MSH5: variants seen among roughly 807,000 people sequenced by gnomAD.
The protein encoded by MSH5 is mutS protein homolog 5.
A neutral mutation model predicts 107.7 loss-of-function variants in MSH5; 78 were observed. That is an observed-to-expected ratio of 0.72 (90% CI 0.60 to 0.87). The LOEUF is 0.87. Among genes scored for constraint, MSH5 ranks in the 40% least tolerant of loss-of-function variants. The probability of loss-of-function intolerance (pLI) is 0.00; values close to 1 mark genes in which losing one functional copy is unlikely to be tolerated. For missense variants in MSH5, 889 were observed against 1,046.6 expected (o/e 0.85, Z 2.08); for synonymous variants, 326 against 399.5 (o/e 0.82, Z 2.19).
chr6:31,744,023 A>T lies in MSH5; in HGVS notation c.535A>T (p.Thr179Ser). 6.2e-7 allele frequency: 1 copy of T among 1,614,082 alleles called. No individual in the cohort carries two copies. The change falls in exon 6 of 25, where the codon ACA (threonine) becomes TCA (serine). Residue 179 changes from threonine to serine, a missense_variant and splice_region_variant. Physicochemically the swap from Thr to Ser is moderately conservative, Grantham distance 58. This residue lies in a region of MSH5 where 518 missense variants were observed against 565.0 expected (regional missense o/e 0.92). Coordinates refer to ENST00000375750, the MANE Select transcript of MSH5 (RefSeq NM_172166.4). ...CATTATTCCCTTTGACTGCCTCCTC[A>T]CAGTGAGATTGGTCCTGGGGGATAA... ...SSIIPFDCLLTVRALGGLLKF... is the reference protein window; with the variant it reads ...SSIIPFDCLLSVRALGGLLKF...
In MSH5 at chr6:31,744,220, C is replaced by T. The variant is rs1183776323; in HGVS notation, c.568C>T (p.Leu190=). ...AGCACTTGGAGGGCTGCTGAAGTTC[C>T]TGGGTCGAAGAAGAATCGGGGTTGA... The part of the protein sequence containing the change: ...VRALGGLLKF[L]GRRRIGVELE... The change falls in exon 7 of 25, where the codon CTG becomes TTG. Residue 190 remains leucine (L), a synonymous_variant. Coordinates refer to ENST00000375750, the MANE Select transcript of MSH5 (RefSeq NM_172166.4). The T allele has an allele frequency of 6.2e-7, 1 of 1,613,710 alleles. No individual in the cohort carries two copies.
chr6:31,758,360 G>T lies in MSH5; in HGVS notation c.1143+67G>T. On this transcript the variant is annotated intron_variant, in intron 13 of 24. Coordinates refer to ENST00000375750, the MANE Select transcript of MSH5 (RefSeq NM_172166.4). This position sits in a 1 kb window ranked among gnomAD's most constrained non-coding sequence, Gnocchi z 5.1. ...GAGAGAGAATGCAGTGTGCAAGATG[G>T]GGAAACATGGAAGATATTGAGGTCA... 6.3e-7 allele frequency: 1 copy of T among 1,596,354 alleles called. No individual in the cohort carries two copies. The highest frequency in any genetic ancestry group is 8.6e-7 in the Non-Finnish European group (1 of 1,169,030).
At position 31,740,007 on chromosome 6, in the gene MSH5, T is replaced by C. The variant is rs1808675495; in HGVS notation, c.-69T>C. The stretch of plus-strand genomic sequence containing the variant: ...CTCGCTCACGCGCCGGCGCGCTCCT[T>C]TTGCAGGCTCGTGGCGGTCGGTCAG... On this transcript the variant is annotated 5_prime_UTR_variant, in exon 1 of 25. Transcript: ENST00000375750. The surrounding 1 kb of genome is among the most constrained non-coding windows in gnomAD (Gnocchi z 4.4). 1.3e-5 allele frequency: 2 copies of C among 151,616 alleles called. No homozygotes were observed. Among genetic ancestry groups the C allele is most frequent in the Admixed American group, 1.3e-4 (2 of 15,148 alleles). 9.4% of individuals were successfully genotyped at this position (151,616 alleles called of 1,614,324 possible).
chr6:31,744,209 T>C lies in MSH5; in HGVS notation c.557T>C (p.Leu186Pro). Residue 186 changes from leucine to proline, a missense_variant, in exon 7 of 25, where the codon CTG becomes CCG. Physicochemically the swap from Leu to Pro is moderately conservative, Grantham distance 98. Transcript: ENST00000375750. ...TCCCAGGTTCGAGCACTTGGAGGGCTGCTGAAGTTCCTGGGTCGAAGAAGA... is the reference window on the plus strand; with the variant it reads ...TCCCAGGTTCGAGCACTTGGAGGGCCGCTGAAGTTCCTGGGTCGAAGAAGA... ...CLLTVRALGG[L>P]LKFLGRRRIG... 6.2e-7 allele frequency: 1 copy of C among 1,613,436 alleles called. No homozygotes were observed. Among genetic ancestry groups the C allele is most frequent in the Non-Finnish European group, 8.5e-7 (1 of 1,179,632 alleles).
In MSH5 at chr6:31,760,256, T is replaced by C. The variant is rs28399979; in HGVS notation, c.1812+40T>C. The C allele has an allele frequency of 3.9e-6, 6 of 1,536,830 alleles. No homozygotes were observed. In the East Asian group the frequency reaches 6.8e-5, roughly 17 times the overall value. On this transcript the variant is annotated intron_variant, in intron 19 of 24. Transcript: ENST00000375750. The surrounding 1 kb of genome is among the most constrained non-coding windows in gnomAD (Gnocchi z 5.6). The stretch of plus-strand genomic sequence containing the variant: ...TGCAGCCTGGGCCTCTGGCGTCTCC[T>C]GCATCTACTCCACCCCTACTTGCCA...
intron 10 of MSH5, among the ~76,000 whole-genome samples, chr6:31,750,735 T>C (rs935092941): frequency 6.6e-6 from 1 of 152,216 alleles, no homozygotes; most frequent in East Asian, 1.9e-4. Context: ...GCCATCTGGA[T>C]GCTCCGCTTC....
intron 10 of MSH5, among the ~76,000 whole-genome samples, chr6:31,752,167 G>A (rs1356243369): frequency 4.0e-5 from 6 of 151,728 alleles, no homozygotes; most frequent in Non-Finnish European, 8.8e-5. Context: ...CATGCCGGGC[G>A]CGGTGGCTCA....
intron 12 of MSH5, chr6:31,757,514 A>G (rs1810557832): frequency 6.6e-6 from 1 of 152,110 alleles, no homozygotes; most frequent in Non-Finnish European, 1.5e-5. Context: ...TTTTATAGCT[A>G]TATTTCTCTT....
In MSH5 at chr6:31,744,063, C is replaced by T. The variant is rs577983731; in HGVS notation, c.537+38C>T. ...CTGGGGGATAAGGGCTGGGAGGCGG[C>T]ACAAGTGCTAGGGCTGAATTCTGGG... is the stretch of plus-strand genomic sequence containing the variant. On this transcript the variant is annotated intron_variant, in intron 6 of 24. Transcript: ENST00000375750. The T allele has an allele frequency of 1.1e-4, 176 of 1,612,466 alleles. 2 individuals are homozygous for T. The South Asian group carries it at 1.8e-3, about 17-fold the overall frequency.
intron 9 of MSH5, 77 bp downstream of exon 9, chr6:31,745,396 C>G: frequency 2.0e-6 from 2 of 987,298 alleles, no homozygotes; most frequent in South Asian, 2.7e-5. Flanking sequence ...TGTGTCCCAG[C>G]CTCCCTTCCC....
chr6:31,752,528 TG>T (rs1196373739), intron 10 of MSH5, among the ~76,000 whole-genome samples: 2 of 152,162 alleles, frequency 1.3e-5, no homozygotes, highest in African/African-American at 4.8e-5. Context: ...GAGATCATTC[TG>T]GCCAACATAG....
chr6:31,742,787 GGA>G, intron 3 of MSH5, 88 bp from the exon 4 acceptor site: 1 of 1,227,776 alleles, frequency 8.1e-7, no homozygotes, highest in South Asian at 1.2e-5. Context: ...TTTTTGAGAA[GGA>G]GAGGGGTAGG....
chr6:31,741,071 A>G, intron 2 of MSH5, 92 bp from the exon 3 acceptor site: 1 of 1,493,076 alleles, frequency 6.7e-7, no homozygotes, highest in Non-Finnish European at 9.0e-7. Flanking sequence ...TATCTCAGAG[A>G]TTTGAGAAAA....
intron 4 of MSH5, 27 bp from the exon 5 acceptor site, chr6:31,743,081 G>C: frequency 6.2e-7 from 1 of 1,612,666 alleles, no homozygotes; most frequent in Non-Finnish European, 8.5e-7. Context: ...TGTAAAGAAT[G>C]ATAGCCTTTT....
At position 31,762,433 on chromosome 6, in the gene MSH5, G is replaced by A. The variant is rs866903702; in HGVS notation, c.2407G>A (p.Val803Met). The A allele has an allele frequency of 1.2e-6, 2 of 1,613,144 alleles. No individual in the cohort carries two copies. The highest frequency in any genetic ancestry group is 2.7e-5 in the African/African-American group (2 of 75,000). Reference sequence around the variant, plus strand: ...TCTCTTCTTCAGTTGCCAGACATTAGTGGATAAGTTTATGAAACTGGATTT... The same window carrying A: ...TCTCTTCTTCAGTTGCCAGACATTAATGGATAAGTTTATGAAACTGGATTT... ...KNQMENCQTLVDKFMKLDLED... is the reference protein window; with the variant it reads ...KNQMENCQTLMDKFMKLDLED... The change falls in exon 25 of 25, where the codon GTG becomes ATG. Residue 803 changes from valine to methionine, a missense_variant. Around this residue, in one of 3 missense-constraint regions of MSH5, gnomAD observed 362 missense variants for 456.2 expected, o/e 0.79. Coordinates refer to ENST00000375750, the MANE Select transcript of MSH5 (RefSeq NM_172166.4).
intron 9 of MSH5, among the ~76,000 whole-genome samples, chr6:31,745,597 C>T (rs1809360600): frequency 6.6e-6 from 1 of 151,892 alleles, no homozygotes; most frequent in East Asian, 1.9e-4. Flanking sequence ...TAGTTGGGTA[C>T]CTGTTAGGGA....
chr6:31,741,360 CACACACACACACACACACACACAT>C (rs1469418103), intron 3 of MSH5, 74 bp downstream of exon 3: 830 of 1,357,596 alleles, frequency 6.1e-4, no homozygotes, highest in South Asian at 2.0e-3. Context: ...CACACACACA[CACACACACACACACACACACACAT>C]ATTTTTTTTT....
chr6:31,753,585 A>C lies in MSH5; in HGVS notation c.970A>C (p.Lys324Gln), dbSNP rs1364555108. The change falls in exon 12 of 25, where the codon AAG (lysine) becomes CAG (glutamine). Residue 324 changes from lysine (K) to glutamine (Q), a missense_variant. By Grantham distance (53) the Lys-to-Gln change is moderately conservative. This residue lies in a region of MSH5 where 518 missense variants were observed against 565.0 expected (regional missense o/e 0.92). Coordinates refer to ENST00000375750, the MANE Select transcript of MSH5 (RefSeq NM_172166.4). Reference protein sequence around the residue: ...KNVPLILKRMKLSHTKVSDWQ... With the variant: ...KNVPLILKRMQLSHTKVSDWQ... ...ACTGTAGCTGATTCTGAAACGCATGAAGTTGTCCCACACCAAGGTCAGCGA... is the reference window on the plus strand; with the variant it reads ...ACTGTAGCTGATTCTGAAACGCATGCAGTTGTCCCACACCAAGGTCAGCGA... 9 of 1,614,118 alleles carry C rather than the reference A, an allele frequency of 5.6e-6. No individual in the cohort carries two copies. The highest frequency in any genetic ancestry group is 1.6e-4 in the Middle Eastern group (1 of 6,062).
Position 31,761,392 on chromosome 6 carries a change from GAC to G in MSH5, c.2038-78_2038-77del. 6.2e-7 allele frequency: 1 copy of G among 1,605,298 alleles called. No homozygotes were observed. Among genetic ancestry groups the G allele is most frequent in the East Asian group, 2.2e-5 (1 of 44,772 alleles). The stretch of plus-strand genomic sequence containing the variant: ...TGGGCAGAAAAGAAATAGAACACGA[GAC>G]AGGGAAAGGCAGTGCAAGTGCAGAG... On this transcript the variant is annotated intron_variant, in intron 21 of 24. Transcript: ENST00000375750. This position sits in a 1 kb window ranked among gnomAD's most constrained non-coding sequence, Gnocchi z 5.3.
Sources: allele counts gnomAD v4.1 joint callset (sites outside exome capture counted in the v4.1 genomes callset), GRCh38; gene constraint gnomAD v4.1.1; regional missense constraint gnomAD v4.1.1; non-coding constraint Gnocchi (gnomAD v3.1); transcripts MANE v1.5; gene names NCBI Gene and HGNC (gene_info 2026-07-23, HGNC 2026-07-21).